ADAM12: variants seen among roughly 807,000 people sequenced by gnomAD.
ADAM12 encodes the protein ADAM metallopeptidase domain 12, also known as disintegrin and metalloproteinase domain-containing protein 12.
A neutral mutation model predicts 106.4 loss-of-function variants in ADAM12; 70 were observed. That is an observed-to-expected ratio of 0.66 (90% CI 0.54 to 0.80). ADAM12 has a LOEUF of 0.80. ADAM12 is among the 30% of genes least tolerant of loss of function. ADAM12 has a pLI of 0.00. For synonymous variants in ADAM12, 420 were observed against 433.5 expected (o/e 0.97, Z 0.39); for missense variants, 1,010 against 1,171.9 (o/e 0.86, Z 2.02).
At chr10:126,384,849 C>A (rs914120125) in intron 1 of ADAM12, among the ~76,000 whole-genome samples, 2 of 152,184 alleles carry the variant, frequency 1.3e-5, no homozygotes. Context: ...TAACTCTATT[C>A]TGACTCTATC....
chr10:126,095,555 A>AG (rs1443615803), intron 10 of ADAM12, among the ~76,000 whole-genome samples: 1 of 151,168 alleles, frequency 6.6e-6, no homozygotes, highest in African/African-American at 2.4e-5. Flanking sequence ...AAAAAAAAAA[A>AG]AAAAGTGATT....
chr10:126,139,756 A>G (rs1255205559), intron 4 of ADAM12, among the ~76,000 whole-genome samples: 1 of 152,184 alleles, frequency 6.6e-6, no homozygotes, highest in Non-Finnish European at 1.5e-5. Flanking sequence ...AGAAGCTGCC[A>G]TCTTCAATAA....
At chr10:126,026,448 A>C (rs974608857) in intron 21 of ADAM12, among the ~76,000 whole-genome samples, 1 of 152,228 alleles carries the variant, frequency 6.6e-6, no homozygotes, top group African/African-American at 2.4e-5. Context: ...CAACTACAGA[A>C]CTGTCCACCC....
intron 2 of ADAM12, among the ~76,000 whole-genome samples, chr10:126,289,905 C>T (rs1960069450): frequency 6.6e-6 from 1 of 152,076 alleles, no homozygotes; most frequent in Admixed American, 6.5e-5. Flanking sequence ...ATGACAGTCC[C>T]CAAAGATGTG....
rs549699180 is a variant in ADAM12, at chr10:126,254,718, C to A, written c.260+24197G>T. Reference sequence around the variant, plus strand: ...CAAAGGCCACTGACCGCTCTGCTCACATGCTCCCAGGCCTCCTCTGAACTG... The same window carrying A: ...CAAAGGCCACTGACCGCTCTGCTCAAATGCTCCCAGGCCTCCTCTGAACTG... On this transcript the variant is annotated intron_variant, in intron 3 of 22. Coordinates refer to ENST00000448723, the MANE Select transcript of ADAM12 (RefSeq NM_001288973.2). Among the ~76,000 whole-genome samples the A allele has an allele frequency of 1.1e-3, 175 of 152,308 alleles. 1 individual carries two copies. Among genetic ancestry groups the A allele is most frequent in the South Asian group, 6.2e-4 (3 of 4,820 alleles).
chr10:126,181,637 T>C (rs1030542747), intron 3 of ADAM12, among the ~76,000 whole-genome samples: 1 of 151,968 alleles, frequency 6.6e-6, no homozygotes, highest in Admixed American at 6.5e-5. Context: ...GAAAGACAAA[T>C]GAAACAAGCG....
chr10:126,069,726 A>C (rs1433342481), intron 12 of ADAM12, among the ~76,000 whole-genome samples: 1 of 152,038 alleles, frequency 6.6e-6, no homozygotes, highest in East Asian at 1.9e-4. Context: ...GTAGCTGTGG[A>C]GATGGCAGTG....
chr10:126,074,745 A>G (rs1393792252), intron 11 of ADAM12, among the ~76,000 whole-genome samples: 2 of 152,238 alleles, frequency 1.3e-5, no homozygotes, highest in African/African-American at 4.8e-5. Flanking sequence ...GAGGAACAGC[A>G]TCCTAGCATT....
chr10:126,214,141 T>G (rs941752083), intron 3 of ADAM12, among the ~76,000 whole-genome samples: 1 of 152,228 alleles, frequency 6.6e-6, no homozygotes, highest in Non-Finnish European at 1.5e-5. Flanking sequence ...TGTGGCATTC[T>G]GTGTGAGCAT....
At chr10:126,038,426 A>G (rs1452770210) in intron 19 of ADAM12, 77 bp from the exon 20 acceptor site, 2 of 1,158,822 alleles carry the variant, frequency 1.7e-6, no homozygotes, top group East Asian at 5.3e-5. Context: ...CTTTGCTCAT[A>G]GTGGCACTCA....
intron 3 of ADAM12, among the ~76,000 whole-genome samples, chr10:126,157,138 C>T (rs562405016): frequency 1.3e-5 from 2 of 152,286 alleles, no homozygotes; most frequent in East Asian, 3.9e-4. Context: ...CTGGGGATGA[C>T]GTCTTTCTTC....
At position 126,349,435 on chromosome 10, in the gene ADAM12, A is replaced by G. The variant is rs373281865; in HGVS notation, c.89-18926T>C. On this transcript the variant is annotated intron_variant, in intron 1 of 22. Coordinates refer to ENST00000448723, the MANE Select transcript of ADAM12 (RefSeq NM_001288973.2). ...TACCTAGAGAGCTTTGCAGTTCTCA[A>G]ATAATATCCTGGCTCAACAACAAAT... 7.2e-5 allele frequency among the ~76,000 whole-genome samples: 11 copies of G among 152,230 alleles called. No individual in the cohort carries two copies. The East Asian group carries it at 1.2e-3, about 16-fold the overall frequency.
chr10:126,015,532 A>G lies in ADAM12; in HGVS notation c.*1747T>C, dbSNP rs1361655590. ...AGAATAAACAGATGCATGCTATACG[A>G]GTTGGAATGTATTAGAGCTGGGTTC... is the stretch of plus-strand genomic sequence containing the variant. On this transcript the variant is annotated 3_prime_UTR_variant, in exon 23 of 23. Transcript: ENST00000448723. The G allele has an allele frequency of 1.3e-5, 2 of 152,216 alleles. No individual in the cohort carries two copies. The highest frequency in any genetic ancestry group is 2.9e-5 in the Non-Finnish European group (2 of 68,038). The allele number at this position is 152,216 out of a possible 1,614,324, so 9.4% of individuals were successfully genotyped here.
intron 3 of ADAM12, among the ~76,000 whole-genome samples, chr10:126,157,318 A>G (rs931537321): frequency 7.9e-5 from 12 of 152,222 alleles, no homozygotes; most frequent in Admixed American, 3.9e-4. Flanking sequence ...CCTCCTCCTC[A>G]TAAGTCCCTC....
chr10:126,185,482 G>GTT (rs5788774), intron 3 of ADAM12, among the ~76,000 whole-genome samples: 1 of 148,362 alleles, frequency 6.7e-6, no homozygotes, highest in Non-Finnish European at 1.5e-5. Flanking sequence ...GTTAACATCT[G>GTT]TTTTTTTTTT....
chr10:126,250,239 C>T (rs1958718588), intron 3 of ADAM12, among the ~76,000 whole-genome samples: 1 of 152,178 alleles, frequency 6.6e-6, no homozygotes, highest in Non-Finnish European at 1.5e-5. Context: ...AATATCCCTC[C>T]AGAGCTGACA....
chr10:126,208,334 T>G (rs1053973603), intron 3 of ADAM12, among the ~76,000 whole-genome samples: 1 of 152,144 alleles, frequency 6.6e-6, no homozygotes, highest in African/African-American at 2.4e-5. Flanking sequence ...CAATGCCCAG[T>G]GCAGCCCCCA....
intron 12 of ADAM12, among the ~76,000 whole-genome samples, chr10:126,068,973 T>C (rs187653001): frequency 8.2e-4 from 125 of 152,276 alleles, no homozygotes; most frequent in African/African-American, 2.8e-3. Flanking sequence ...CTGGTTTCCA[T>C]TGGGTGCTGG....
At chr10:126,306,150 A>G (rs1389571303) in intron 2 of ADAM12, among the ~76,000 whole-genome samples, 1 of 151,708 alleles carries the variant, frequency 6.6e-6, no homozygotes, top group East Asian at 1.9e-4. Context: ...CTTGTGTATT[A>G]GTATTTTATT....
Sources: gnomAD v4.1 joint callset for allele counts (sites outside exome capture counted in the v4.1 genomes callset) on GRCh38, gnomAD v4.1.1 for gene constraint, MANE v1.5 for transcripts, NCBI Gene and HGNC (gene_info 2026-07-23, HGNC 2026-07-21) for gene names.